Variants in PACRG observed in about 807,000 individuals in gnomAD.
PACRG encodes the protein parkin coregulated.
A neutral mutation model predicts 29.7 loss-of-function variants in PACRG; 29 were observed. The ratio of observed to expected loss-of-function variants is 0.98; its 90% CI spans 0.73 to 1.33. The LOEUF is 1.33. Among genes scored for constraint, PACRG ranks in the 40% most tolerant of loss-of-function variants. The pLI is 0.00. For synonymous variants in PACRG, 116 were observed against 118.7 expected (o/e 0.98, Z 0.15); for missense variants, 279 against 316.2 (o/e 0.88, Z 0.89).
At chr6:163,129,648 C>T (rs1320748506) in intron 4 of PACRG, among the ~76,000 whole-genome samples, 1 of 152,178 alleles carries the variant, frequency 6.6e-6, no homozygotes, top group African/African-American at 2.4e-5. Context: ...GATCAGCAGC[C>T]TCCATCTTCC....
intron 4 of PACRG, among the ~76,000 whole-genome samples, chr6:163,228,070 G>A (rs1244194534): frequency 1.3e-5 from 2 of 152,062 alleles, no homozygotes; most frequent in Non-Finnish European, 2.9e-5. Flanking sequence ...GAAGGTTATT[G>A]TTTTTAAATA....
At chr6:163,064,796 G>A (rs1423119173) in intron 3 of PACRG, among the ~76,000 whole-genome samples, 2 of 150,806 alleles carry the variant, frequency 1.3e-5, no homozygotes, top group Non-Finnish European at 2.9e-5. Flanking sequence ...CTCTATCCAG[G>A]GGCAAAAATT....
At chr6:163,125,271 G>C (rs1447104685) in intron 4 of PACRG, among the ~76,000 whole-genome samples, 1 of 152,066 alleles carries the variant, frequency 6.6e-6, no homozygotes, top group African/African-American at 2.4e-5. Flanking sequence ...TAAAGATTTA[G>C]GTGTAAAAAT....
At chr6:163,072,652 A>C (rs1433641525) in intron 3 of PACRG, among the ~76,000 whole-genome samples, 1 of 152,168 alleles carries the variant, frequency 6.6e-6, no homozygotes, top group African/African-American at 2.4e-5. Context: ...CAAATGGGAA[A>C]AGAAGAAGTC....
intron 1 of PACRG, among the ~76,000 whole-genome samples, chr6:162,775,744 C>A (rs1301106232): frequency 2.0e-5 from 3 of 152,204 alleles, no homozygotes; most frequent in African/African-American, 7.2e-5. Flanking sequence ...ATATCAGCTT[C>A]TTTTCCTTGC....
chr6:163,193,890 C>CTTT lies in PACRG; in HGVS notation c.613+104497_613+104499dup, dbSNP rs746859009. On this transcript the variant is annotated intron_variant, in intron 4 of 4. Transcript: ENST00000366888. Reference sequence around the variant, plus strand: ...ACTAGGAAACTGTTTCTTTTTGTTTCTTTTTTTTTTTTTTTTTCCTGAGAT... The same window carrying CTTT: ...ACTAGGAAACTGTTTCTTTTTGTTTCTTTTTTTTTTTTTTTTTTTTCCTGAGAT... Among the ~76,000 whole-genome samples the CTTT allele has an allele frequency of 1.6e-3, 178 of 111,484 alleles. 3 individuals are homozygous for CTTT. Among genetic ancestry groups the CTTT allele is most frequent in the African/African-American group, 4.8e-3 (164 of 33,926 alleles). The allele number at this position is 111,484 out of a possible 152,430, so 73.1% of individuals were successfully genotyped here. A position where few individuals can be genotyped will look rare whatever the true frequency, so the allele number is the denominator to read the frequency against.
At chr6:162,865,320 G>A (rs9346938) in intron 2 of PACRG, among the ~76,000 whole-genome samples, 47,619 of 151,942 alleles carry the variant, frequency 0.31, 7,563 homozygotes, top group East Asian at 0.4. Flanking sequence ...AGTATGTTGA[G>A]AAAATGATAT....
chr6:163,312,690 C>T, intron 4 of PACRG: 1 of 334,736 alleles, frequency 3.0e-6, no homozygotes, highest in Non-Finnish European at 5.8e-6. Context: ...TCCTCAAAAA[C>T]AATAGGGCAA....
At chr6:163,146,115 A>G (rs1460109236) in intron 4 of PACRG, among the ~76,000 whole-genome samples, 1 of 152,038 alleles carries the variant, frequency 6.6e-6, no homozygotes, top group Non-Finnish European at 1.5e-5. Flanking sequence ...AGCCTTATGT[A>G]CCAGATCATC....
At chr6:163,239,667 A>ACCCCCCC (rs1379516869) in intron 4 of PACRG, among the ~76,000 whole-genome samples, 1 of 101,336 alleles carries the variant, frequency 9.9e-6, no homozygotes, top group Admixed American at 1.1e-4. Context: ...ACACACCCAC[A>ACCCCCCC]CCCCCCACCC....
rs544308362 is a variant in PACRG, at chr6:162,759,421, G to C, written c.156+31030G>C. ...AATTTTCAAATTACCTCAGACTTCT[G>C]AGAATATTCTTGGTCATTGAGAAAA... On this transcript the variant is annotated intron_variant, in intron 1 of 4. Transcript: ENST00000366888. Among the ~76,000 whole-genome samples the C allele has an allele frequency of 2.0e-5, 3 of 152,240 alleles. No homozygotes were observed. The East Asian group carries it at 5.8e-4, about 29-fold the overall frequency.
At chr6:162,928,072 G>A (rs1006441170) in intron 2 of PACRG, among the ~76,000 whole-genome samples, 4 of 151,964 alleles carry the variant, frequency 2.6e-5, no homozygotes, top group Admixed American at 2.6e-4. Context: ...CTCCTCTTCA[G>A]TTTTTCAGAA....
At chr6:163,031,593 A>G (rs915861439) in intron 2 of PACRG, among the ~76,000 whole-genome samples, 5 of 152,210 alleles carry the variant, frequency 3.3e-5, no homozygotes, top group South Asian at 2.1e-4. Context: ...AATTTGCTTT[A>G]TTATACTTGG....
Position 163,177,103 on chromosome 6 carries a change from A to G in PACRG, c.613+87695A>G, listed in dbSNP as rs1348222935. 3.9e-5 allele frequency among the ~76,000 whole-genome samples: 6 copies of G among 152,216 alleles called. No homozygotes were observed. In the East Asian group the frequency reaches 1.2e-3, roughly 29 times the overall value. On this transcript the variant is annotated intron_variant, in intron 4 of 4. Coordinates refer to ENST00000366888, the MANE Select transcript of PACRG (RefSeq NM_001080379.2). ...ACTAGGACAGTGGCAGTGGAAACTA[A>G]GAGGAAAATAAAATGCTTAAAACAG... is the stretch of plus-strand genomic sequence containing the variant.
chr6:162,769,542 G>T (rs1487616461), intron 1 of PACRG, among the ~76,000 whole-genome samples: 5 of 151,920 alleles, frequency 3.3e-5, no homozygotes, highest in Non-Finnish European at 1.5e-5. Context: ...CGTCTATAGG[G>T]ATAGTATTTT....
chr6:163,202,183 A>G (rs79683226), intron 4 of PACRG, among the ~76,000 whole-genome samples: 7,909 of 152,018 alleles, frequency 0.052, 662 homozygotes, highest in African/African-American at 0.18. Context: ...AATGGAGGGA[A>G]ACTGGTGCTT....
chr6:163,057,073 G>T (rs891376796), intron 2 of PACRG, among the ~76,000 whole-genome samples: 4 of 152,066 alleles, frequency 2.6e-5, no homozygotes, highest in African/African-American at 9.7e-5. Context: ...TGCACTCAAG[G>T]ATTACAGTCA....
chr6:162,957,325 C>T (rs1272990283), intron 2 of PACRG: 5 of 589,988 alleles, frequency 8.5e-6, no homozygotes, highest in Non-Finnish European at 1.2e-5. Flanking sequence ...GTCCTGAACA[C>T]ATTTAGCACT....
chr6:163,133,246 T>C (rs1816803637), intron 4 of PACRG, among the ~76,000 whole-genome samples: 1 of 152,164 alleles, frequency 6.6e-6, no homozygotes, highest in Non-Finnish European at 1.5e-5. Context: ...ACTTCTTCCA[T>C]TGGCTAGAAC....
Sources: gnomAD v4.1 joint callset for allele counts (sites outside exome capture counted in the v4.1 genomes callset) on GRCh38, gnomAD v4.1.1 for gene constraint, MANE v1.5 for transcripts, NCBI Gene and HGNC (gene_info 2026-07-23, HGNC 2026-07-21) for gene names.